KIAA0513: variants seen among roughly 807,000 people sequenced by gnomAD.
KIAA0513 encodes uncharacterized protein KIAA0513.
A neutral mutation model predicts 56.5 loss-of-function variants in KIAA0513; 39 were observed. The ratio of observed to expected loss-of-function variants is 0.69; its 90% CI spans 0.53 to 0.90. KIAA0513 has a LOEUF of 0.90. Among genes scored for constraint, KIAA0513 ranks in the 40% least tolerant of loss-of-function variants. KIAA0513 has a pLI of 0.00. For synonymous variants in KIAA0513, 268 were observed against 215.6 expected (o/e 1.24, Z -2.13); for missense variants, 591 against 535.2 (o/e 1.10, Z -1.03).
intron 4 of KIAA0513, 38 bp from the exon 5 acceptor site, chr16:85,075,806 G>T: frequency 6.2e-7 from 1 of 1,605,404 alleles, no homozygotes; most frequent in South Asian, 1.1e-5. Flanking sequence ...GAAGCAGGTG[G>T]AGCGATCTTT....
Position 85,088,364 on chromosome 16 carries a change from G to A in KIAA0513, c.*39G>A, listed in dbSNP as rs1425109014. ...CACTCCGCAGGAGGACTGAGGCCAT[G>A]TGCCATTCTCCCGGGCCCAGCGCCC... On this transcript the variant is annotated 3_prime_UTR_variant, in exon 13 of 13. Transcript: ENST00000683363. The A allele has an allele frequency of 3.2e-6, 5 of 1,586,890 alleles. No homozygotes were observed. The Admixed American group carries it at 6.7e-5, about 21-fold the overall frequency.
In KIAA0513 at chr16:85,081,045, G is replaced by C. The variant is rs2073736577; in HGVS notation, c.903-270G>C. Among the ~76,000 whole-genome samples, 1 of 152,182 alleles carries C rather than the reference G, an allele frequency of 6.6e-6. No individual in the cohort carries two copies. The highest frequency in any genetic ancestry group is 1.5e-5 in the Non-Finnish European group (1 of 68,032). On this transcript the variant is annotated intron_variant, in intron 8 of 12. Transcript: ENST00000683363. The surrounding 1 kb of genome is among the most constrained non-coding windows in gnomAD (Gnocchi z 4.4). Reference sequence around the variant, plus strand: ...CAACTTTGCCCGCCAGTGCCCTCCTGCCTGCAGCGCAGCCCGGGTTATCAT... The same window carrying C: ...CAACTTTGCCCGCCAGTGCCCTCCTCCCTGCAGCGCAGCCCGGGTTATCAT...
intron 1 of KIAA0513, among the ~76,000 whole-genome samples, chr16:85,057,972 G>A (rs951313536): frequency 6.6e-6 from 1 of 152,140 alleles, no homozygotes; most frequent in African/African-American, 2.4e-5. Context: ...GCTCCCCACA[G>A]GAGTAGCCCC....
In KIAA0513 at chr16:85,076,667, C is replaced by G. The variant is rs2073660747; in HGVS notation, c.574+753C>G. On this transcript the variant is annotated intron_variant, in intron 5 of 12. Transcript: ENST00000683363. The surrounding 1 kb of genome is among the most constrained non-coding windows in gnomAD (Gnocchi z 4.7). ...CTCCCACAGCCATCCTCTCCGCACC[C>G]CTCAGTTCAGTTGGTCCAACTGCCA... Among the ~76,000 whole-genome samples the G allele has an allele frequency of 6.6e-6, 1 of 152,176 alleles. No individual in the cohort carries two copies. The highest frequency in any genetic ancestry group is 2.4e-5 in the African/African-American group (1 of 41,436).
chr16:85,053,208 A>G lies in KIAA0513; in HGVS notation c.-172-13692A>G, dbSNP rs937591950. On this transcript the variant is annotated intron_variant, in intron 1 of 12. Coordinates refer to ENST00000683363, the MANE Select transcript of KIAA0513 (RefSeq NM_001388359.1). The stretch of plus-strand genomic sequence containing the variant: ...CCGACCTGGATCAAATTTTTAGATA[A>G]CCTCGCTAGTCATTTATGAGTTATT... 5.3e-5 allele frequency among the ~76,000 whole-genome samples: 8 copies of G among 152,176 alleles called. No homozygotes were observed. The South Asian group carries it at 1.7e-3, about 32-fold the overall frequency.
intron 1 of KIAA0513, among the ~76,000 whole-genome samples, chr16:85,038,484 A>T (rs2073063430): frequency 6.6e-6 from 1 of 152,088 alleles, no homozygotes; most frequent in Admixed American, 6.5e-5. Flanking sequence ...AGGTGGGTGG[A>T]TCACTTGAGG....
At chr16:85,041,790 C>T (rs1216333389) in intron 1 of KIAA0513, among the ~76,000 whole-genome samples, 1 of 152,160 alleles carries the variant, frequency 6.6e-6, no homozygotes, top group Admixed American at 6.5e-5. Flanking sequence ...TGTTACCCAG[C>T]TGGTGACACG....
chr16:85,044,794 C>A (rs1215339048), intron 1 of KIAA0513, among the ~76,000 whole-genome samples: 1 of 152,124 alleles, frequency 6.6e-6, no homozygotes, highest in East Asian at 2.0e-4. Context: ...GCATGAGCCA[C>A]TGTGCCCAGG....
chr16:85,037,153 A>C (rs947831569), intron 1 of KIAA0513, among the ~76,000 whole-genome samples: 6 of 152,074 alleles, frequency 3.9e-5, no homozygotes, highest in African/African-American at 1.4e-4. Context: ...CATCTTCTTC[A>C]GTGACATCCT....
At chr16:85,075,106 C>A (rs1396744972) in intron 4 of KIAA0513, among the ~76,000 whole-genome samples, 1 of 112,532 alleles carries the variant, frequency 8.9e-6, no homozygotes, top group East Asian at 2.1e-4. Context: ...GTTTTATAAT[C>A]TTTAGTTTGT....
intron 1 of KIAA0513, among the ~76,000 whole-genome samples, chr16:85,042,371 C>T (rs1350297353): frequency 6.6e-6 from 1 of 151,922 alleles, no homozygotes; most frequent in Non-Finnish European, 1.5e-5. Context: ...GAGTATTAAT[C>T]CACCCCGGTG....
intron 8 of KIAA0513, among the ~76,000 whole-genome samples, chr16:85,080,351 C>A (rs2073725035): frequency 6.6e-6 from 1 of 152,198 alleles, no homozygotes; most frequent in African/African-American, 2.4e-5. Context: ...TGCAGCCACA[C>A]CACTATGCTG....
chr16:85,047,803 G>A (rs184967595), intron 1 of KIAA0513, among the ~76,000 whole-genome samples: 2 of 152,162 alleles, frequency 1.3e-5, no homozygotes, highest in Non-Finnish European at 2.9e-5. Context: ...GTTGTATTTA[G>A]TCCAGGCTGG....
chr16:85,086,853 C>A (rs779924970), intron 11 of KIAA0513, 129 bp downstream of exon 11: 11 of 919,658 alleles, frequency 1.2e-5, no homozygotes, highest in Non-Finnish European at 1.7e-5. Context: ...TCACACTTGG[C>A]CTCCATGCCA....
At chr16:85,052,976 C>T (rs2073275567) in intron 1 of KIAA0513, among the ~76,000 whole-genome samples, 1 of 152,130 alleles carries the variant, frequency 6.6e-6, no homozygotes, top group South Asian at 2.1e-4. Flanking sequence ...CTGCAACCTC[C>T]TCCCAGGTTC....
chr16:85,032,084 T>C (rs553307548), intron 1 of KIAA0513, among the ~76,000 whole-genome samples: 3 of 152,268 alleles, frequency 2.0e-5, no homozygotes, highest in African/African-American at 7.2e-5. Context: ...AATTAAGGTG[T>C]CGACAGGGCT....
At chr16:85,070,804 G>A (rs779520963) in intron 2 of KIAA0513, among the ~76,000 whole-genome samples, 7 of 152,206 alleles carry the variant, frequency 4.6e-5, no homozygotes, top group African/African-American at 7.2e-5. Flanking sequence ...CTGAGCACAC[G>A]CTGGTTAACG....
At chr16:85,065,474 A>G (rs1446434962) in intron 1 of KIAA0513, among the ~76,000 whole-genome samples, 1 of 152,196 alleles carries the variant, frequency 6.6e-6, no homozygotes, top group African/African-American at 2.4e-5. Context: ...GCTCCCCTGA[A>G]CACGCCTAGC....
Position 85,030,330 on chromosome 16 carries a change from C to A in KIAA0513, c.-173+2472C>A, listed in dbSNP as rs983309214. Among the ~76,000 whole-genome samples the A allele has an allele frequency of 2.8e-4, 43 of 152,260 alleles. 2 individuals are homozygous for A. Among genetic ancestry groups the A allele is most frequent in the Admixed American group, 2.8e-3 (43 of 15,294 alleles). On this transcript the variant is annotated intron_variant, in intron 1 of 12. Transcript: ENST00000683363. ...GCCTGCTAGAATCGTTTTCCTTGTC[C>A]CCCACCCAAAAGAGAAATGCGGTGG...
Sources: allele counts gnomAD v4.1 joint callset (sites outside exome capture counted in the v4.1 genomes callset), GRCh38; gene constraint gnomAD v4.1.1; non-coding constraint Gnocchi (gnomAD v3.1); transcripts MANE v1.5; gene names NCBI Gene and HGNC (gene_info 2026-07-23, HGNC 2026-07-21).